Variants in TG observed in about 807,000 individuals in gnomAD.
The protein encoded by TG is thyroid hormones.
Under a neutral mutation model 324.7 loss-of-function variants are expected in TG, and 270 were observed. The observed-to-expected ratio is 0.83, with a 90% CI of 0.75 to 0.92. The LOEUF (loss-of-function observed/expected upper bound fraction) is 0.92. TG is among the 40% of genes least tolerant of loss of function. The pLI, the probability that TG is intolerant of heterozygous loss-of-function variation, is 0.00. For missense variants in TG, 3,591 were observed against 3,456.4 expected, an observed-to-expected ratio of 1.04 and a Z score of -0.98; for synonymous variants, 1,401 against 1,327.0, an observed-to-expected ratio of 1.06 and a Z score of -1.21.
At chr8:132,898,500 C>A (rs1479646559) in intron 13 of TG, among the ~76,000 whole-genome samples, 3 of 152,200 alleles carry the variant, frequency 2.0e-5, no homozygotes, top group South Asian at 4.1e-4. Context: ...TGGTTCTCCC[C>A]CTCTGTACAT....
intron 35 of TG, among the ~76,000 whole-genome samples, chr8:132,999,764 G>A (rs1472342522): frequency 6.6e-6 from 1 of 152,224 alleles, no homozygotes; most frequent in Non-Finnish European, 1.5e-5. Context: ...TATCTTCTCA[G>A]TGATATTTCT....
At chr8:133,010,746 C>A (rs537048685) in intron 35 of TG, among the ~76,000 whole-genome samples, 1 of 152,300 alleles carries the variant, frequency 6.6e-6, no homozygotes, top group Non-Finnish European at 1.5e-5. Flanking sequence ...GCTCTAGGCA[C>A]GGCCCTTGCA....
intron 40 of TG, among the ~76,000 whole-genome samples, chr8:133,024,300 A>G (rs1835817793): frequency 6.8e-6 from 1 of 147,190 alleles, no homozygotes. Context: ...CATTAGCCAC[A>G]GGCCATTTTC....
intron 45 of TG, among the ~76,000 whole-genome samples, chr8:133,123,543 C>T (rs1851300048): frequency 6.6e-6 from 1 of 152,100 alleles, no homozygotes; most frequent in Non-Finnish European, 1.5e-5. Context: ...CCTCCCTGCC[C>T]GTCTCTGGTA....
chr8:133,001,226 G>A lies in TG; in HGVS notation c.6263-10675G>A, dbSNP rs1564060841. Among the ~76,000 whole-genome samples, 4 of 91,202 alleles carry A rather than the reference G, an allele frequency of 4.4e-5. 1 individual carries two copies. In the South Asian group the frequency reaches 1.0e-3, roughly 23 times the overall value. 59.8% of individuals were successfully genotyped at this position (91,202 alleles called of 152,430 possible). On this transcript the variant is annotated intron_variant, in intron 35 of 47. Coordinates refer to ENST00000220616, the MANE Select transcript of TG (RefSeq NM_003235.5). Reference sequence around the variant, plus strand: ...TAGGACTGCAACGTGTGAATTTTGGGGGGGACACAGTTCAACCCATGACAC... The same window carrying A: ...TAGGACTGCAACGTGTGAATTTTGGAGGGGACACAGTTCAACCCATGACAC...
intron 20 of TG, 38 bp from the exon 21 acceptor site, chr8:132,919,338 G>A (rs1312762996): frequency 2.5e-6 from 4 of 1,605,644 alleles, no homozygotes; most frequent in Non-Finnish European, 3.4e-6. Context: ...TGAAGCATGT[G>A]TCTTGATTTT....
At chr8:132,939,652 T>C (rs1824132256) in intron 25 of TG, among the ~76,000 whole-genome samples, 1 of 149,270 alleles carries the variant, frequency 6.7e-6, no homozygotes, top group Non-Finnish European at 1.5e-5. Context: ...CTTTTATATA[T>C]AGTCTATGGG....
chr8:133,060,070 C>T lies in TG; in HGVS notation c.7239+30047C>T, dbSNP rs768279465. 85 of 1,558,474 alleles carry T rather than the reference C, an allele frequency of 5.5e-5. No individual in the cohort carries two copies. In the South Asian group the frequency reaches 1.0e-3, roughly 18 times the overall value. On this transcript the variant is annotated intron_variant, in intron 41 of 47. Transcript: ENST00000220616. ...ACCACAGGCTCTTGTAGCACAGACTCAAGCATCTCACCAGAGAAGCCAGAC... is the reference window on the plus strand; with the variant it reads ...ACCACAGGCTCTTGTAGCACAGACTTAAGCATCTCACCAGAGAAGCCAGAC...
At chr8:132,971,400 A>G (rs1000780591) in intron 32 of TG, among the ~76,000 whole-genome samples, 7 of 152,146 alleles carry the variant, frequency 4.6e-5, no homozygotes, top group Non-Finnish European at 1.0e-4. Context: ...CTCTTTCTAG[A>G]AATGCCTTCC....
In TG at chr8:133,116,711, T is replaced by A; in HGVS notation, c.7857T>A (p.His2619Gln). The A allele has an allele frequency of 6.2e-7, 1 of 1,613,892 alleles. No individual in the cohort carries two copies. Residue 2619 changes from histidine (H) to glutamine (Q), a missense_variant, in exon 45 of 48, where the codon CAT becomes CAA. Coordinates refer to ENST00000220616, the MANE Select transcript of TG (RefSeq NM_003235.5). ...ACCATGCTCCTGAAAACTACGGCCA[T>A]GGCAGGTAAGACGCTGCAGGGAAGC... ...FMYHAPENYG[H>Q]GSLELLADVQ...
chr8:132,896,845 T>C (rs1817185426), intron 11 of TG, among the ~76,000 whole-genome samples: 1 of 152,048 alleles, frequency 6.6e-6, no homozygotes, highest in South Asian at 2.1e-4. Flanking sequence ...ACACAATAAA[T>C]GGGAACACTA....
At chr8:133,019,835 CAGTT>C (rs1835397224) in intron 39 of TG, 140 bp downstream of exon 39, 9 of 696,350 alleles carry the variant, frequency 1.3e-5, no homozygotes, top group South Asian at 5.9e-5. Context: ...TAAGGACACT[CAGTT>C]AGTGAGTGAT....
In TG at chr8:132,887,029, G is replaced by A; in HGVS notation, c.1657G>A (p.Gly553Ser). The A allele has an allele frequency of 6.2e-7, 1 of 1,614,152 alleles. No homozygotes were observed. The highest frequency in any genetic ancestry group is 8.5e-7 in the Non-Finnish European group (1 of 1,180,034). The change falls in exon 9 of 48, where the codon GGC becomes AGC. Residue 553 changes from glycine (G) to serine (S), a missense_variant. By Grantham distance (56) the Gly-to-Ser change is moderately conservative. Transcript: ENST00000220616. ...GAATAAGCCAACTGTGGGCAGCTTT[G>A]GCTTTGAAATTAACCTACAAGAGAA... Reference protein sequence around the residue: ...TMNKPTVGSFGFEINLQENQN... With the variant: ...TMNKPTVGSFSFEINLQENQN...
In TG at chr8:132,955,516, A is replaced by G. The variant is rs572263531; in HGVS notation, c.5402-5492A>G. On this transcript the variant is annotated intron_variant, in intron 27 of 47. Coordinates refer to ENST00000220616, the MANE Select transcript of TG (RefSeq NM_003235.5). ...CTATTGGGCTCAGGAATCTGTCACA[A>G]TCTCTTCCTGCCAGCATAGGAGTGA... Among the ~76,000 whole-genome samples, 80 of 152,314 alleles carry G rather than the reference A, an allele frequency of 5.3e-4. 1 individual carries two copies. Among genetic ancestry groups the G allele is most frequent in the African/African-American group, 5.3e-4 (22 of 41,572 alleles).
chr8:132,967,155 A>AT (rs1359153695), intron 30 of TG, among the ~76,000 whole-genome samples: 30 of 144,650 alleles, frequency 2.1e-4, no homozygotes, highest in African/African-American at 7.8e-4. Context: ...CCATCCATCC[A>AT]CCCATCCAAC....
At chr8:133,086,562 A>G (rs1038615892) in intron 41 of TG, among the ~76,000 whole-genome samples, 2 of 152,206 alleles carry the variant, frequency 1.3e-5, no homozygotes, top group Admixed American at 1.3e-4. Context: ...AAAAAAAACT[A>G]TACCTTTTGA....
intron 35 of TG, among the ~76,000 whole-genome samples, chr8:132,998,979 T>C (rs7842044): frequency 0.23 from 35,067 of 152,092 alleles, 4,597 homozygotes; most frequent in Middle Eastern, 0.34. Flanking sequence ...TGACTAGGCA[T>C]TCTCAGTTAA....
At chr8:132,949,621 T>C (rs904804481) in intron 27 of TG, among the ~76,000 whole-genome samples, 1 of 152,228 alleles carries the variant, frequency 6.6e-6, no homozygotes, top group Non-Finnish European at 1.5e-5. Flanking sequence ...CCAATTGTAC[T>C]GCCCACTCTA....
chr8:133,075,181 G>A (rs1443298170), intron 41 of TG: 1 of 939,270 alleles, frequency 1.1e-6, no homozygotes, highest in Admixed American at 6.2e-5. Flanking sequence ...TTGAGAATAT[G>A]GCCAGCTTAA....
Sources: gnomAD v4.1 joint callset for allele counts (sites outside exome capture counted in the v4.1 genomes callset) on GRCh38, gnomAD v4.1.1 for gene constraint, MANE v1.5 for transcripts, NCBI Gene and HGNC (gene_info 2026-07-23, HGNC 2026-07-21) for gene names.